The following EYA4 variants were observed in gnomAD, a reference collection of about 807,000 sequenced individuals.
The protein encoded by EYA4 is protein phosphatase EYA4.
In EYA4, 31 loss-of-function variants were observed where a neutral mutation model predicts 87.9. That is an observed-to-expected ratio of 0.35 (90% CI 0.27 to 0.48). The LOEUF is 0.48. EYA4 is among the 20% of genes least tolerant of loss of function. EYA4 has a pLI of 0.99. For synonymous variants in EYA4, 263 were observed against 270.6 expected, an observed-to-expected ratio of 0.97 and a Z score of 0.28; for missense variants, 678 against 761.4, an observed-to-expected ratio of 0.89 and a Z score of 1.29.
chr6:133,294,652 C>G (rs904886733), intron 2 of EYA4, among the ~76,000 whole-genome samples: 1 of 152,116 alleles, frequency 6.6e-6, no homozygotes, highest in African/African-American at 2.4e-5. Context: ...ACTGCAACCT[C>G]CTCGTCCTGA....
intron 2 of EYA4, among the ~76,000 whole-genome samples, chr6:133,345,174 G>GA (rs910079979): frequency 1.3e-5 from 2 of 151,596 alleles, no homozygotes; most frequent in East Asian, 1.9e-4. Flanking sequence ...AAATTTAAAA[G>GA]AAAAAAAATA....
At chr6:133,279,667 A>G (rs183980685) in intron 2 of EYA4, among the ~76,000 whole-genome samples, 7 of 151,968 alleles carry the variant, frequency 4.6e-5, no homozygotes, top group African/African-American at 7.2e-5. Flanking sequence ...ATTTATTTTT[A>G]TCTCTCTCTT....
intron 2 of EYA4, among the ~76,000 whole-genome samples, chr6:133,357,942 T>G (rs1784191199): frequency 6.6e-6 from 1 of 151,726 alleles, no homozygotes; most frequent in Non-Finnish European, 1.5e-5. Context: ...TTGAGAAAAA[T>G]AATTATCTAT....
intron 13 of EYA4, among the ~76,000 whole-genome samples, chr6:133,493,098 C>T (rs1231555849): frequency 6.6e-6 from 1 of 152,026 alleles, no homozygotes; most frequent in Non-Finnish European, 1.5e-5. Context: ...AAAAACAATC[C>T]TAAAATTTAT....
At chr6:133,494,989 C>T (rs996568374) in intron 13 of EYA4, among the ~76,000 whole-genome samples, 7 of 152,140 alleles carry the variant, frequency 4.6e-5, no homozygotes, top group Non-Finnish European at 2.9e-5. Context: ...TCTCATGACG[C>T]CAGGTGCGGT....
intron 2 of EYA4, among the ~76,000 whole-genome samples, chr6:133,281,100 A>T (rs1777587272): frequency 6.6e-6 from 1 of 152,154 alleles, no homozygotes; most frequent in African/African-American, 2.4e-5. Flanking sequence ...AGACACTTCT[A>T]TTTATACTCT....
chr6:133,379,901 A>G (rs1438289051), intron 2 of EYA4, among the ~76,000 whole-genome samples: 1 of 151,962 alleles, frequency 6.6e-6, no homozygotes, highest in African/African-American at 2.4e-5. Flanking sequence ...TTTTTTTACA[A>G]CCTTTCAATG....
At chr6:133,341,403 G>T (rs1782766711) in intron 2 of EYA4, among the ~76,000 whole-genome samples, 1 of 152,112 alleles carries the variant, frequency 6.6e-6, no homozygotes, top group Non-Finnish European at 1.5e-5. Flanking sequence ...CACTTTGTAG[G>T]TACGCAGGAA....
intron 1 of EYA4, among the ~76,000 whole-genome samples, chr6:133,252,109 C>T (rs1326769935): frequency 6.6e-6 from 1 of 152,172 alleles, no homozygotes; most frequent in Non-Finnish European, 1.5e-5. Flanking sequence ...ATCTATGTGT[C>T]TTTTCTTCCG....
intron 3 of EYA4, chr6:133,439,613 A>T (rs1792066754): frequency 6.6e-6 from 1 of 152,256 alleles, no homozygotes; most frequent in African/African-American, 2.4e-5. Context: ...TTGTCCCTAC[A>T]ACAATGTGCG....
intron 3 of EYA4, among the ~76,000 whole-genome samples, chr6:133,445,049 T>C (rs1248917759): frequency 3.3e-5 from 5 of 152,246 alleles, no homozygotes; most frequent in African/African-American, 9.6e-5. Flanking sequence ...TTGGGGTTAA[T>C]TGAATTCTTT....
chr6:133,308,699 T>C (rs962072259), intron 2 of EYA4, among the ~76,000 whole-genome samples: 22 of 152,206 alleles, frequency 1.4e-4, no homozygotes, highest in African/African-American at 4.8e-4. Flanking sequence ...TTGCTTAGGA[T>C]TATGGCCTCC....
chr6:133,405,465 G>C (rs1414817549), intron 3 of EYA4, among the ~76,000 whole-genome samples: 2 of 152,112 alleles, frequency 1.3e-5, no homozygotes, highest in Non-Finnish European at 2.9e-5. Flanking sequence ...GCATTGTCGT[G>C]ATGATGTGAC....
At chr6:133,306,610 G>C (rs1434824190) in intron 2 of EYA4, among the ~76,000 whole-genome samples, 1 of 152,124 alleles carries the variant, frequency 6.6e-6, no homozygotes, top group Non-Finnish European at 1.5e-5. Context: ...AATCAGATTT[G>C]TATCTTTCAG....
intron 2 of EYA4, among the ~76,000 whole-genome samples, chr6:133,376,757 T>C (rs2128471478): frequency 6.6e-6 from 1 of 152,096 alleles, no homozygotes; most frequent in East Asian, 1.9e-4. Context: ...GTCCAGAAAT[T>C]ATGGTATTTT....
At chr6:133,476,532 A>C (rs1218499227) in intron 11 of EYA4, among the ~76,000 whole-genome samples, 2 of 152,000 alleles carry the variant, frequency 1.3e-5, no homozygotes, top group Admixed American at 1.3e-4. Flanking sequence ...AGCTTATTTC[A>C]CTTAACATAA....
At chr6:133,255,481 T>A (rs2128236496) in intron 1 of EYA4, among the ~76,000 whole-genome samples, 1 of 152,270 alleles carries the variant, frequency 6.6e-6, no homozygotes, top group African/African-American at 2.4e-5. Context: ...ACTGTGCATA[T>A]GTTATACTTT....
chr6:133,523,423 T>G (rs954914289), intron 18 of EYA4, among the ~76,000 whole-genome samples: 3 of 152,150 alleles, frequency 2.0e-5, no homozygotes, highest in African/African-American at 7.2e-5. Flanking sequence ...ACAGCCCATG[T>G]TATCTAAATA....
At chr6:133,376,779 T>C (rs1299273343) in intron 2 of EYA4, among the ~76,000 whole-genome samples, 1 of 152,028 alleles carries the variant, frequency 6.6e-6, no homozygotes, top group Non-Finnish European at 1.5e-5. Context: ...TACATATATT[T>C]TCCAGATATT....
Sources: gnomAD v4.1 joint callset for allele counts (sites outside exome capture counted in the v4.1 genomes callset) on GRCh38, gnomAD v4.1.1 for gene constraint, MANE v1.5 for transcripts, NCBI Gene and HGNC (gene_info 2026-07-23, HGNC 2026-07-21) for gene names.